CNTN5: variants seen among roughly 807,000 people sequenced by gnomAD.
CNTN5 encodes the protein contactin-5.
CNTN5 carries 77 observed loss-of-function variants against 129.1 expected under a neutral mutation model. The observed-to-expected ratio is 0.60, with a 90% CI of 0.50 to 0.72. The LOEUF (loss-of-function observed/expected upper bound fraction) is 0.72. Among genes scored for constraint, CNTN5 ranks in the 30% least tolerant of loss-of-function variants. The pLI, the probability that CNTN5 is intolerant of heterozygous loss-of-function variation, is 0.00. For synonymous variants in CNTN5, 509 were observed against 465.6 expected (o/e 1.09, Z -1.20); for missense variants, 1,478 against 1,328.8 (o/e 1.11, Z -1.75).
At chr11:99,322,828 A>G (rs1865625559) in intron 1 of CNTN5, among the ~76,000 whole-genome samples, 1 of 152,220 alleles carries the variant, frequency 6.6e-6, no homozygotes, top group South Asian at 2.1e-4. Context: ...TCAGGTGATT[A>G]CATGGCTTTT....
rs144766568 is a variant in CNTN5, at chr11:99,040,235, T to A, written c.-210+18965T>A. The stretch of plus-strand genomic sequence containing the variant: ...AGATAGGAAAAATATAAAATATAAT[T>A]GAATGATTAGAACCAAAAGCATTTT... On this transcript the variant is annotated intron_variant, in intron 1 of 24. Transcript: ENST00000524871. Among the ~76,000 whole-genome samples, 86 of 152,186 alleles carry A rather than the reference T, an allele frequency of 5.7e-4. 1 individual carries two copies. In the East Asian group the frequency reaches 0.015, roughly 27 times the overall value.
intron 1 of CNTN5, among the ~76,000 whole-genome samples, chr11:99,125,880 T>C (rs546424922): frequency 6.6e-6 from 1 of 152,260 alleles, no homozygotes; most frequent in South Asian, 2.1e-4. Flanking sequence ...AAAATGGTAA[T>C]ACCATTATAT....
intron 3 of CNTN5, among the ~76,000 whole-genome samples, chr11:99,565,912 G>T (rs374441907): frequency 1.6e-4 from 25 of 152,228 alleles, no homozygotes; most frequent in South Asian, 1.2e-3. Flanking sequence ...TATGACATCC[G>T]TTTAGGTCAT....
At chr11:99,939,490 T>C (rs1369857432) in intron 7 of CNTN5, among the ~76,000 whole-genome samples, 2 of 152,150 alleles carry the variant, frequency 1.3e-5, no homozygotes, top group African/African-American at 2.4e-5. Context: ...AAATTATTTA[T>C]GCAGAATCAA....
chr11:99,182,229 A>T (rs1011357675), intron 1 of CNTN5, among the ~76,000 whole-genome samples: 7 of 152,208 alleles, frequency 4.6e-5, no homozygotes, highest in African/African-American at 1.7e-4. Context: ...TATTAGTTTG[A>T]AAATGAGCAT....
At chr11:99,742,182 C>T (rs946768833) in intron 3 of CNTN5, among the ~76,000 whole-genome samples, 8 of 152,084 alleles carry the variant, frequency 5.3e-5, no homozygotes, top group Non-Finnish European at 1.2e-4. Flanking sequence ...GATGGACAGT[C>T]CAAGTCCCAG....
At chr11:99,287,690 C>T (rs1863996925) in intron 1 of CNTN5, among the ~76,000 whole-genome samples, 1 of 151,926 alleles carries the variant, frequency 6.6e-6, no homozygotes, top group South Asian at 2.1e-4. Context: ...GTGTGTTTCT[C>T]TGTTATGCAT....
chr11:100,025,920 TG>T (rs1391091564), intron 9 of CNTN5, among the ~76,000 whole-genome samples: 3 of 152,192 alleles, frequency 2.0e-5, no homozygotes, highest in African/African-American at 7.2e-5. Flanking sequence ...ACTTTGGACT[TG>T]GACTTTTGGG....
chr11:99,548,751 T>C lies in CNTN5; in HGVS notation c.-70-7394T>C, dbSNP rs181107189. Among the ~76,000 whole-genome samples the C allele has an allele frequency of 9.2e-5, 14 of 152,330 alleles. 1 individual carries two copies. Among genetic ancestry groups the C allele is most frequent in the Admixed American group, 7.8e-4 (12 of 15,294 alleles). On this transcript the variant is annotated intron_variant, in intron 2 of 24. Transcript: ENST00000524871. The stretch of plus-strand genomic sequence containing the variant: ...AAATGCGAGTCTGGTTTTCCTACTT[T>C]TATAGTTACTTTCTTTTTCTCTCTG...
At chr11:100,103,585 G>A (rs1945303854) in intron 13 of CNTN5, among the ~76,000 whole-genome samples, 1 of 152,104 alleles carries the variant, frequency 6.6e-6, no homozygotes, top group South Asian at 2.1e-4. Context: ...TAATAACACT[G>A]TTCCACGCTT....
chr11:99,646,495 A>T (rs1442984334), intron 3 of CNTN5, among the ~76,000 whole-genome samples: 2 of 152,194 alleles, frequency 1.3e-5, no homozygotes, highest in Admixed American at 6.5e-5. Flanking sequence ...GGAAAAACTC[A>T]AGGCAGTATT....
At chr11:99,785,082 G>A (rs1945469642) in intron 3 of CNTN5, among the ~76,000 whole-genome samples, 1 of 151,950 alleles carries the variant, frequency 6.6e-6, no homozygotes, top group South Asian at 2.1e-4. Context: ...GCCTCCCAAA[G>A]TGCTGGGATT....
intron 3 of CNTN5, among the ~76,000 whole-genome samples, chr11:99,617,303 A>G (rs1301914601): frequency 6.6e-6 from 1 of 152,160 alleles, no homozygotes; most frequent in African/African-American, 2.4e-5. Flanking sequence ...GTTATTATTG[A>G]AGGGGATGGT....
chr11:99,599,391 C>G (rs1193806507), intron 3 of CNTN5, among the ~76,000 whole-genome samples: 1 of 151,938 alleles, frequency 6.6e-6, no homozygotes, highest in Admixed American at 6.6e-5. Flanking sequence ...TGGATTTTAA[C>G]TTGTTATTGA....
chr11:99,654,503 A>T (rs1348314322), intron 3 of CNTN5, among the ~76,000 whole-genome samples: 4 of 152,054 alleles, frequency 2.6e-5, no homozygotes, highest in African/African-American at 9.7e-5. Context: ...ACCAATGGAT[A>T]TGAAATGGTC....
At chr11:99,910,837 A>G (rs974024247) in intron 6 of CNTN5, among the ~76,000 whole-genome samples, 3 of 152,066 alleles carry the variant, frequency 2.0e-5, no homozygotes, top group African/African-American at 2.4e-5. Context: ...AATTTTTATT[A>G]TAGGGTATTT....
intron 4 of CNTN5, among the ~76,000 whole-genome samples, chr11:99,825,903 T>C (rs1046928614): frequency 6.6e-6 from 1 of 152,138 alleles, no homozygotes; most frequent in African/African-American, 2.4e-5. Flanking sequence ...GAAAATATAA[T>C]ATAGAAATGT....
intron 3 of CNTN5, among the ~76,000 whole-genome samples, chr11:99,640,464 A>C (rs1315756586): frequency 6.6e-6 from 1 of 152,208 alleles, no homozygotes; most frequent in Non-Finnish European, 1.5e-5. Context: ...CTACCATGAG[A>C]ATAGCAAGGG....
Position 99,072,109 on chromosome 11 carries a change from T to A in CNTN5, c.-210+50839T>A, listed in dbSNP as rs568330204. On this transcript the variant is annotated intron_variant, in intron 1 of 24. Coordinates refer to ENST00000524871, the MANE Select transcript of CNTN5 (RefSeq NM_014361.4). ...TGAAGTTGAACAATGGCAGAACTAC[T>A]CAATGTTGATAGAAAAGTGACAGTT... 3.9e-5 allele frequency among the ~76,000 whole-genome samples: 6 copies of A among 152,232 alleles called. No homozygotes were observed. The South Asian group carries it at 1.2e-3, about 32-fold the overall frequency.
Sources: gnomAD v4.1 joint callset for allele counts (sites outside exome capture counted in the v4.1 genomes callset) on GRCh38, gnomAD v4.1.1 for gene constraint, MANE v1.5 for transcripts, NCBI Gene and HGNC (gene_info 2026-07-23, HGNC 2026-07-21) for gene names.